Variants in ZC3H18 observed in about 807,000 individuals in gnomAD.
ZC3H18 encodes the protein zinc finger CCCH-type containing 18.
A neutral mutation model predicts 106.1 loss-of-function variants in ZC3H18; 8 were observed. The ratio of observed to expected loss-of-function variants is 0.08; its 90% CI spans 0.04 to 0.14. ZC3H18 has a LOEUF of 0.14. Among genes scored for constraint, ZC3H18 ranks in the 10% least tolerant of loss-of-function variants. The pLI is 1.00. For synonymous variants in ZC3H18, 635 were observed against 522.1 expected (o/e 1.22, Z -2.95); for missense variants, 1,318 against 1,278.4 (o/e 1.03, Z -0.47).
intron 8 of ZC3H18, among the ~76,000 whole-genome samples, chr16:88,620,633 T>G (rs1345934146): frequency 5.3e-5 from 8 of 151,342 alleles, no homozygotes; most frequent in Non-Finnish European, 1.2e-4. Flanking sequence ...GCCAGGATTT[T>G]GGGTTAGTTT....
At chr16:88,615,701 G>A (rs1481299374) in intron 8 of ZC3H18, among the ~76,000 whole-genome samples, 1 of 152,188 alleles carries the variant, frequency 6.6e-6, no homozygotes, top group Admixed American at 6.5e-5. Context: ...GAAGGTCACT[G>A]TGCTGTGTGG....
In ZC3H18 at chr16:88,624,763, CG is replaced by C; in HGVS notation, c.2042+22del. On this transcript the variant is annotated intron_variant, in intron 12 of 17. Coordinates refer to ENST00000301011, the MANE Select transcript of ZC3H18 (RefSeq NM_144604.4). Reference sequence around the variant, plus strand: ...CCCAGGAGGTGAGCACTCCGGCGTCCGGGGCCCTCAGGCTTTCCGTGTTCTT... The same window carrying C: ...CCCAGGAGGTGAGCACTCCGGCGTCCGGGCCCTCAGGCTTTCCGTGTTCTT... 1 of 1,601,016 alleles carries C rather than the reference CG, an allele frequency of 6.2e-7. No individual in the cohort carries two copies. The highest frequency in any genetic ancestry group is 2.2e-5 in the East Asian group (1 of 44,562).
intron 8 of ZC3H18, among the ~76,000 whole-genome samples, chr16:88,617,558 T>C (rs768895464): frequency 2.0e-5 from 3 of 152,228 alleles, no homozygotes; most frequent in Admixed American, 6.5e-5. Flanking sequence ...TAAACACTGA[T>C]TGGGGACCTT....
At chr16:88,621,242 T>C (rs541252865) in intron 8 of ZC3H18, among the ~76,000 whole-genome samples, 1 of 151,252 alleles carries the variant, frequency 6.6e-6, no homozygotes, top group East Asian at 1.9e-4. Flanking sequence ...TTTTTTTTTT[T>C]GAGACAGAGT....
intron 1 of ZC3H18, among the ~76,000 whole-genome samples, chr16:88,573,561 C>T (rs1280288075): frequency 6.6e-6 from 1 of 151,938 alleles, no homozygotes; most frequent in Non-Finnish European, 1.5e-5. Flanking sequence ...CCATTTTCAG[C>T]AGTGTATACC....
chr16:88,580,927 C>T (rs1915089884), intron 2 of ZC3H18, among the ~76,000 whole-genome samples: 1 of 152,172 alleles, frequency 6.6e-6, no homozygotes, highest in South Asian at 2.1e-4. Context: ...TTGGCCTGTA[C>T]CTTCGCAAAT....
At chr16:88,578,607 G>A (rs968276003) in intron 2 of ZC3H18, among the ~76,000 whole-genome samples, 1 of 151,994 alleles carries the variant, frequency 6.6e-6, no homozygotes, top group African/African-American at 2.4e-5. Flanking sequence ...AGTGTCTGCC[G>A]AGAGTATCTC....
At chr16:88,574,897 T>TCGGCTCACTCC (rs1914647904) in intron 1 of ZC3H18, among the ~76,000 whole-genome samples, 1 of 149,584 alleles carries the variant, frequency 6.7e-6, no homozygotes, top group Non-Finnish European at 1.5e-5. Context: ...TGGCGCGATC[T>TCGGCTCACTCC]CGGCTCACTC....
At chr16:88,590,473 C>T (rs1314927804) in intron 3 of ZC3H18, among the ~76,000 whole-genome samples, 1 of 151,644 alleles carries the variant, frequency 6.6e-6, no homozygotes, top group African/African-American at 2.4e-5. Context: ...TCTCGTGGGC[C>T]TGTGTTGGAT....
intron 16 of ZC3H18, among the ~76,000 whole-genome samples, chr16:88,629,610 C>G (rs1447496069): frequency 6.6e-6 from 1 of 152,228 alleles, no homozygotes; most frequent in Non-Finnish European, 1.5e-5. Flanking sequence ...CTCGTGCCTT[C>G]TGGAGATCCT....
intron 4 of ZC3H18, 90 bp from the exon 5 acceptor site, chr16:88,598,530 T>C: frequency 6.9e-7 from 1 of 1,457,580 alleles, no homozygotes. Flanking sequence ...CACGGCCGGC[T>C]TGTGTTGTAG....
chr16:88,580,145 C>T (rs1387216274), intron 2 of ZC3H18, among the ~76,000 whole-genome samples: 1 of 148,826 alleles, frequency 6.7e-6, no homozygotes, highest in Non-Finnish European at 1.5e-5. Flanking sequence ...TCTGTCGTGA[C>T]ACAGGTTCAT....
intron 6 of ZC3H18, among the ~76,000 whole-genome samples, chr16:88,600,693 G>A (rs575881366): frequency 3.3e-5 from 5 of 152,326 alleles, no homozygotes; most frequent in Admixed American, 2.0e-4. Context: ...GACTACAGGC[G>A]TGAACCACTG....
chr16:88,628,727 G>A, intron 15 of ZC3H18, 31 bp from the exon 16 acceptor site: 1 of 1,611,960 alleles, frequency 6.2e-7, no homozygotes, highest in South Asian at 1.1e-5. Flanking sequence ...TCCTGGCCCT[G>A]CTGTCCTCAC....
In ZC3H18 at chr16:88,631,114, T is replaced by C; in HGVS notation, c.2677T>C (p.Ser893Pro). Residue 893 changes from serine to proline, a missense_variant, in exon 18 of 18, where the codon TCA becomes CCA. By Grantham distance (74) the Ser-to-Pro change is moderately conservative. Transcript: ENST00000301011. ...AAPADRKRQL[S>P]PQSKSSSKVT... Reference sequence around the variant, plus strand: ...ACCCCCTTGTAGGAAGCGCCAGCTGTCACCCCAGTCCAAGAGCTCCAGCAA... The same window carrying C: ...ACCCCCTTGTAGGAAGCGCCAGCTGCCACCCCAGTCCAAGAGCTCCAGCAA... 6.2e-7 allele frequency: 1 copy of C among 1,612,312 alleles called. No homozygotes were observed.
chr16:88,611,841 C>T (rs1223074621), intron 8 of ZC3H18, among the ~76,000 whole-genome samples: 2 of 152,214 alleles, frequency 1.3e-5, no homozygotes, highest in East Asian at 1.9e-4. Flanking sequence ...TTTTAATAGG[C>T]GCTGCCCTTG....
At chr16:88,626,561 C>T (rs893589180) in intron 13 of ZC3H18, 3 of 152,152 alleles carry the variant, frequency 2.0e-5, no homozygotes, top group African/African-American at 7.2e-5. Flanking sequence ...CTGTGTTGCC[C>T]AGGCTGGTCT....
At chr16:88,600,797 A>G (rs900441813) in intron 6 of ZC3H18, among the ~76,000 whole-genome samples, 1 of 152,222 alleles carries the variant, frequency 6.6e-6, no homozygotes, top group Non-Finnish European at 1.5e-5. Context: ...GGGGGATTGC[A>G]TGGCATATAA....
At chr16:88,604,082 C>G (rs1259670191) in intron 6 of ZC3H18, among the ~76,000 whole-genome samples, 3 of 152,094 alleles carry the variant, frequency 2.0e-5, no homozygotes, top group Non-Finnish European at 4.4e-5. Flanking sequence ...GATACAGTAG[C>G]TAGTAATGTC....
Sources: gnomAD v4.1 joint callset for allele counts (sites outside exome capture counted in the v4.1 genomes callset) on GRCh38, gnomAD v4.1.1 for gene constraint, MANE v1.5 for transcripts, NCBI Gene and HGNC (gene_info 2026-07-23, HGNC 2026-07-21) for gene names.